Variants in TMEM132C observed in about 807,000 individuals in gnomAD.
The protein encoded by TMEM132C is protein phosphatase 1, regulatory subunit 152.
In TMEM132C, 29 loss-of-function variants were observed where a neutral mutation model predicts 61.4. That is an observed-to-expected ratio of 0.47 (90% confidence interval 0.35 to 0.64). The LOEUF is 0.64. Ranked by LOEUF, TMEM132C falls within the 30% of genes least tolerant of loss-of-function variation. The probability of loss-of-function intolerance (pLI) is 0.00; values close to 1 mark genes in which losing one functional copy is unlikely to be tolerated. For synonymous variants in TMEM132C, 656 were observed against 633.1 expected (o/e 1.04, Z -0.54); for missense variants, 1,408 against 1,476.9 (o/e 0.95, Z 0.76).
chr12:128,489,974 G>A (rs990233046), intron 2 of TMEM132C, among the ~76,000 whole-genome samples: 1 of 152,130 alleles, frequency 6.6e-6, no homozygotes, highest in Non-Finnish European at 1.5e-5. Flanking sequence ...ACATGTCATG[G>A]ACCCCAAAAT....
intron 1 of TMEM132C, among the ~76,000 whole-genome samples, chr12:128,401,435 G>A (rs868534250): frequency 7.9e-5 from 12 of 152,056 alleles, no homozygotes; most frequent in Admixed American, 2.0e-4. Flanking sequence ...CTAGAAGGCC[G>A]AATGAAGTAG....
chr12:128,338,306 T>G (rs1424423137), intron 1 of TMEM132C, among the ~76,000 whole-genome samples: 1 of 152,170 alleles, frequency 6.6e-6, no homozygotes, highest in African/African-American at 2.4e-5. Context: ...GTGGAATCAC[T>G]GCATACCAAA....
At chr12:128,483,428 T>G (rs1248091619) in intron 2 of TMEM132C, among the ~76,000 whole-genome samples, 1 of 151,576 alleles carries the variant, frequency 6.6e-6, no homozygotes, top group East Asian at 2.0e-4. Context: ...GCTCCAGGGC[T>G]CCAGAAGATT....
At chr12:128,645,579 A>G (rs1011172649) in intron 4 of TMEM132C, among the ~76,000 whole-genome samples, 3 of 152,234 alleles carry the variant, frequency 2.0e-5, no homozygotes, top group African/African-American at 7.2e-5. Flanking sequence ...ACCAGCCTCC[A>G]AATTCTCTCT....
chr12:128,456,433 G>T (rs1476223618), intron 2 of TMEM132C, among the ~76,000 whole-genome samples: 5 of 70,678 alleles, frequency 7.1e-5, no homozygotes, highest in South Asian at 5.2e-4. Context: ...TTTAGCAAAG[G>T]TCTTGCTCTG....
chr12:128,383,481 G>C lies in TMEM132C; in HGVS notation c.86-31251G>C, dbSNP rs73436623. Among the ~76,000 whole-genome samples, 668 of 152,282 alleles carry C rather than the reference G, an allele frequency of 4.4e-3. 6 individuals are homozygous for C. Among genetic ancestry groups the C allele is most frequent in the African/African-American group, 0.015 (627 of 41,552 alleles). ...TTGAGCCGTTTCCCATGGTGCTCAG[G>C]CTCTGGCATCCGACTGGGAATCCCT... is the stretch of plus-strand genomic sequence containing the variant. On this transcript the variant is annotated intron_variant, in intron 1 of 8. Transcript: ENST00000435159.
chr12:128,541,989 A>G (rs909177870), intron 2 of TMEM132C, among the ~76,000 whole-genome samples: 7 of 152,168 alleles, frequency 4.6e-5, no homozygotes, highest in South Asian at 4.1e-4. Flanking sequence ...CCCATACCCA[A>G]TGTGAAGTCC....
chr12:128,432,263 G>A (rs1202080901), intron 2 of TMEM132C, among the ~76,000 whole-genome samples: 3 of 152,162 alleles, frequency 2.0e-5, no homozygotes, highest in South Asian at 2.1e-4. Flanking sequence ...TCCACAGCCC[G>A]TGGATCAAGG....
intron 4 of TMEM132C, among the ~76,000 whole-genome samples, chr12:128,633,210 C>T (rs1954076659): frequency 6.6e-6 from 1 of 152,156 alleles, no homozygotes; most frequent in African/African-American, 2.4e-5. Context: ...GCTGGCTCCC[C>T]CCAGAGATCA....
At position 128,616,169 on chromosome 12, in the gene TMEM132C, A is replaced by G; in HGVS notation, c.1139A>G (p.Asn380Ser). Residue 380 changes from asparagine (N) to serine (S), a missense_variant, in exon 4 of 9, where the codon AAT (asparagine) becomes AGT (serine). Asn to Ser is a conservative substitution (Grantham distance 46, BLOSUM62 1). Coordinates refer to ENST00000435159, the MANE Select transcript of TMEM132C (RefSeq NM_001136103.3). ...TCTTCCAGGAGCAGCAGTTTATTCA[A>G]TGAGGTTGTGCAGATGAACTTTGAA... ...SPRNRSSSLF[N>S]EVVQMNFEIA... 6.4e-7 allele frequency: 1 copy of G among 1,551,540 alleles called. No individual in the cohort carries two copies. Among genetic ancestry groups the G allele is most frequent in the Non-Finnish European group, 8.7e-7 (1 of 1,146,900 alleles).
intron 5 of TMEM132C, among the ~76,000 whole-genome samples, chr12:128,685,445 G>A (rs1383825278): frequency 3.3e-5 from 5 of 152,248 alleles, no homozygotes; most frequent in African/African-American, 7.2e-5. Flanking sequence ...CCATTGGGCT[G>A]TGGTCAGCTC....
intron 1 of TMEM132C, among the ~76,000 whole-genome samples, chr12:128,360,558 A>G (rs183364740): frequency 2.6e-5 from 4 of 152,308 alleles, no homozygotes; most frequent in Admixed American, 2.6e-4. Context: ...CTTGTCTCCC[A>G]TCCTTGCTCC....
intron 2 of TMEM132C, among the ~76,000 whole-genome samples, chr12:128,428,786 GC>G (rs1471181478): frequency 1.3e-5 from 2 of 152,048 alleles, no homozygotes; most frequent in Admixed American, 1.3e-4. Context: ...TTCTAGCTGT[GC>G]CACCAGGACG....
chr12:128,473,327 T>TC, intron 2 of TMEM132C, among the ~76,000 whole-genome samples: 1 of 145,862 alleles, frequency 6.9e-6, no homozygotes, highest in East Asian at 2.0e-4. Flanking sequence ...TCTATCTTCA[T>TC]CTTCAGTCCA....
intron 3 of TMEM132C, among the ~76,000 whole-genome samples, chr12:128,607,483 C>T (rs532168745): frequency 1.8e-4 from 27 of 152,112 alleles, no homozygotes; most frequent in African/African-American, 5.8e-4. Context: ...GGGTTAGGGC[C>T]GAAATGGGCA....
At chr12:128,617,972 A>C (rs1412667003) in intron 4 of TMEM132C, among the ~76,000 whole-genome samples, 1 of 152,230 alleles carries the variant, frequency 6.6e-6, no homozygotes, top group Non-Finnish European at 1.5e-5. Flanking sequence ...TACACCATGC[A>C]AGCTAAGAAT....
chr12:128,493,784 G>A (rs1448690568), intron 2 of TMEM132C, among the ~76,000 whole-genome samples: 1 of 152,202 alleles, frequency 6.6e-6, no homozygotes, highest in Non-Finnish European at 1.5e-5. Flanking sequence ...ATACAATCAT[G>A]TCATCTGCAA....
chr12:128,401,311 G>A lies in TMEM132C; in HGVS notation c.86-13421G>A, dbSNP rs78389274. Reference sequence around the variant, plus strand: ...CCCTCACCTTTATGAGCCATGAAACGAAATCTCTGATTTGATAACCTTCAT... The same window carrying A: ...CCCTCACCTTTATGAGCCATGAAACAAAATCTCTGATTTGATAACCTTCAT... On this transcript the variant is annotated intron_variant, in intron 1 of 8. Coordinates refer to ENST00000435159, the MANE Select transcript of TMEM132C (RefSeq NM_001136103.3). Among the ~76,000 whole-genome samples the A allele has an allele frequency of 1.8e-3, 278 of 152,158 alleles. 6 individuals are homozygous for A. In the East Asian group the frequency reaches 0.043, roughly 24 times the overall value.
chr12:128,330,927 T>C lies in TMEM132C; in HGVS notation c.85+63440T>C, dbSNP rs113260773. 4.7e-3 allele frequency among the ~76,000 whole-genome samples: 717 copies of C among 152,244 alleles called. 3 individuals carry two copies. The highest frequency in any genetic ancestry group is 0.015 in the African/African-American group (607 of 41,538). The stretch of plus-strand genomic sequence containing the variant: ...TATATATATACTTAAAAAGAGAGAA[T>C]AGCATAGTGAATGAGATAACTAACA... On this transcript the variant is annotated intron_variant, in intron 1 of 8. Coordinates refer to ENST00000435159, the MANE Select transcript of TMEM132C (RefSeq NM_001136103.3).
Sources: allele counts gnomAD v4.1 joint callset (sites outside exome capture counted in the v4.1 genomes callset), GRCh38; gene constraint gnomAD v4.1.1; transcripts MANE v1.5; gene names NCBI Gene and HGNC (gene_info 2026-07-23, HGNC 2026-07-21).